The following BSPH1 variants were observed in gnomAD, a reference collection of about 807,000 sequenced individuals.
The protein encoded by BSPH1 is binder of sperm protein homolog 1.
BSPH1 carries 21 observed loss-of-function variants against 22.5 expected under a neutral mutation model. That is an observed-to-expected ratio of 0.93 (90% CI 0.66 to 1.35). The LOEUF (loss-of-function observed/expected upper bound fraction) is 1.35, where lower values mean the gene tolerates loss of function less well. Among genes scored for constraint, BSPH1 ranks in the 40% most tolerant of loss-of-function variants. The pLI is 0.00. For synonymous variants in BSPH1, 42 were observed against 53.6 expected (o/e 0.78, Z 0.95); for missense variants, 141 against 154.2 (o/e 0.91, Z 0.45).
At chr19:47,976,046 A>G (rs1969359837) in intron 5 of BSPH1, among the ~76,000 whole-genome samples, 1 of 152,242 alleles carries the variant, frequency 6.6e-6, no homozygotes, top group African/African-American at 2.4e-5. Context: ...CCATGTACAC[A>G]TAGCCACTGT....
intron 5 of BSPH1, among the ~76,000 whole-genome samples, chr19:47,973,221 T>A (rs912500282): frequency 5.7e-4 from 34 of 59,832 alleles, no homozygotes; most frequent in African/African-American, 2.4e-3. Context: ...CGTCTCAAAA[T>A]AATAATAATA....
intron 1 of BSPH1, among the ~76,000 whole-genome samples, chr19:47,986,212 C>T (rs956218064): frequency 1.3e-5 from 2 of 152,160 alleles, no homozygotes; most frequent in African/African-American, 4.8e-5. Context: ...AGGAGTCTTC[C>T]CAAAGTGCTG....
chr19:47,987,163 C>T (rs956180114), intron 1 of BSPH1, among the ~76,000 whole-genome samples: 24 of 152,172 alleles, frequency 1.6e-4, no homozygotes, highest in African/African-American at 5.8e-4. Context: ...AACATGAATT[C>T]TGGAAGGACA....
chr19:47,985,077 AAG>A (rs145986140), intron 1 of BSPH1, among the ~76,000 whole-genome samples: 27,012 of 121,272 alleles, frequency 0.22, 2,865 homozygotes, highest in South Asian at 0.27. Context: ...AAAAAAAAAA[AAG>A]AAAGAAAAAG....
intron 1 of BSPH1, among the ~76,000 whole-genome samples, chr19:47,987,508 C>T (rs976178829): frequency 6.6e-6 from 1 of 151,774 alleles, no homozygotes; most frequent in Non-Finnish European, 1.5e-5. Context: ...GCCTCAGCCT[C>T]CCAAGTAGCT....
chr19:47,983,483 G>C (rs1969438271), intron 1 of BSPH1, among the ~76,000 whole-genome samples: 1 of 152,128 alleles, frequency 6.6e-6, no homozygotes, highest in African/African-American at 2.4e-5. Context: ...TAGCCTGTCT[G>C]CTAAGCACTA....
At chr19:47,969,279 T>C (rs1969287302) in intron 5 of BSPH1, among the ~76,000 whole-genome samples, 1 of 152,060 alleles carries the variant, frequency 6.6e-6, no homozygotes, top group Non-Finnish European at 1.5e-5. Flanking sequence ...TGGATGGTCA[T>C]GAGATGGGAA....
chr19:47,977,181 A>G (rs996514646), intron 4 of BSPH1, among the ~76,000 whole-genome samples, 192 bp downstream of exon 4: 8 of 152,362 alleles, frequency 5.3e-5, no homozygotes, highest in Non-Finnish European at 8.8e-5. Context: ...TTTCAAAATA[A>G]TGTGGTTGAA....
In BSPH1 at chr19:47,985,801, C is replaced by T. The variant is rs915310720; in HGVS notation, c.74-4860G>A. ...AGTGAGCTGAGATCACACCACTACA[C>T]TCCAGCCTGAGTGACAGGGCAAGAC... On this transcript the variant is annotated intron_variant, in intron 1 of 5. Coordinates refer to ENST00000344839, the MANE Select transcript of BSPH1 (RefSeq NM_001128326.2). Among the ~76,000 whole-genome samples the T allele has an allele frequency of 4.6e-5, 7 of 150,790 alleles. No homozygotes were observed. In the East Asian group the frequency reaches 1.2e-3, roughly 25 times the overall value.
Position 47,992,117 on chromosome 19 carries a change from C to G in BSPH1, c.-36G>C. 1.3e-6 allele frequency: 2 copies of G among 1,528,748 alleles called. No homozygotes were observed. Among genetic ancestry groups the G allele is most frequent in the Non-Finnish European group, 1.8e-6 (2 of 1,126,528 alleles). 94.7% of individuals were successfully genotyped at this position (1,528,748 alleles called of 1,614,324 possible). On this transcript the variant is annotated 5_prime_UTR_variant, in exon 1 of 6. Coordinates refer to ENST00000344839, the MANE Select transcript of BSPH1 (RefSeq NM_001128326.2). ...AGGCTTCCCGGTATCTCAGATCTTC[C>G]TGGTCTTTGTCAGCCAGGGCTCAAG...
chr19:47,975,265 A>G (rs1969350669), intron 5 of BSPH1, among the ~76,000 whole-genome samples: 2 of 152,148 alleles, frequency 1.3e-5, no homozygotes, highest in African/African-American at 4.8e-5. Context: ...TCCAGGGCTC[A>G]AGCAATCCTT....
intron 5 of BSPH1, among the ~76,000 whole-genome samples, chr19:47,973,595 A>G (rs1354639429): frequency 3.9e-5 from 6 of 152,166 alleles, no homozygotes; most frequent in Non-Finnish European, 8.8e-5. Flanking sequence ...TCAACATTTG[A>G]GAGTTGCTGG....
At chr19:47,978,924 C>T (rs549034749) in intron 3 of BSPH1, among the ~76,000 whole-genome samples, 114 of 152,250 alleles carry the variant, frequency 7.5e-4, no homozygotes, top group African/African-American at 2.6e-3. Flanking sequence ...AATGACAGAT[C>T]GATGATGAAA....
chr19:47,989,828 G>A (rs1969506041), intron 1 of BSPH1, among the ~76,000 whole-genome samples: 1 of 152,092 alleles, frequency 6.6e-6, no homozygotes, highest in Non-Finnish European at 1.5e-5. Context: ...AAACTCTTAA[G>A]AGACAATAGG....
At chr19:47,990,129 A>G (rs1401344412) in intron 1 of BSPH1, among the ~76,000 whole-genome samples, 14 of 146,326 alleles carry the variant, frequency 9.6e-5, no homozygotes, top group South Asian at 2.1e-4. Context: ...AAAAAAAAAA[A>G]AAAAAAAAAA....
Position 47,973,264 on chromosome 19 carries a change from G to A in BSPH1, c.*2+3446C>T, listed in dbSNP as rs1007475322. Among the ~76,000 whole-genome samples the A allele has an allele frequency of 1.5e-4, 20 of 136,232 alleles. No homozygotes were observed. In the East Asian group the frequency reaches 4.0e-3, roughly 27 times the overall value. The allele number at this position is 136,232 out of a possible 152,430, so 89.4% of individuals were successfully genotyped here. ...TAATAATAATAATAATAATAATAAT[G>A]TAGGCAGTAACATGCCAGAGACAGT... On this transcript the variant is annotated intron_variant, in intron 5 of 5. Transcript: ENST00000344839.
At chr19:47,975,489 C>T (rs984578222) in intron 5 of BSPH1, among the ~76,000 whole-genome samples, 7 of 152,216 alleles carry the variant, frequency 4.6e-5, no homozygotes, top group African/African-American at 1.7e-4. Flanking sequence ...TCACTTTGTA[C>T]AGCGCACCCA....
chr19:47,980,410 A>G (rs919334046), intron 2 of BSPH1: 14 of 537,098 alleles, frequency 2.6e-5, no homozygotes, highest in Non-Finnish European at 2.9e-5. Context: ...GTTACATGTA[A>G]TGACATGTTT....
chr19:47,968,836 T>C (rs915851641), intron 5 of BSPH1, among the ~76,000 whole-genome samples: 2 of 151,374 alleles, frequency 1.3e-5, no homozygotes, highest in Admixed American at 1.3e-4. Context: ...CCGTCTCTAC[T>C]AAAATACAAA....
Sources: gnomAD v4.1 joint callset for allele counts (sites outside exome capture counted in the v4.1 genomes callset) on GRCh38, gnomAD v4.1.1 for gene constraint, MANE v1.5 for transcripts, NCBI Gene and HGNC (gene_info 2026-07-23, HGNC 2026-07-21) for gene names.